The following CADM2 variants were observed in gnomAD, a reference collection of about 807,000 sequenced individuals.
CADM2 encodes immunoglobulin superfamily member 4D.
In CADM2, 12 loss-of-function variants were observed where a neutral mutation model predicts 49.8. The observed-to-expected ratio is 0.24, with a 90% CI of 0.15 to 0.39. CADM2 has a LOEUF of 0.39. CADM2 is among the 10% of genes least tolerant of loss of function. The probability of loss-of-function intolerance (pLI) is 1.00; values close to 1 mark genes in which losing one functional copy is unlikely to be tolerated. For synonymous variants in CADM2, 214 were observed against 175.4 expected (o/e 1.22, Z -1.74); for missense variants, 378 against 492.3 (o/e 0.77, Z 2.20).
intron 1 of CADM2, among the ~76,000 whole-genome samples, chr3:85,610,602 A>G (rs147830470): frequency 3.6e-4 from 55 of 152,110 alleles, no homozygotes; most frequent in African/African-American, 1.3e-3. Flanking sequence ...ATAATATTAC[A>G]GAATCATCAC....
intron 1 of CADM2, among the ~76,000 whole-genome samples, chr3:85,205,624 G>A (rs887133660): frequency 6.6e-6 from 1 of 151,892 alleles, no homozygotes; most frequent in African/African-American, 2.4e-5. Flanking sequence ...AGTAGCTTAT[G>A]CATGTAATAG....
chr3:85,487,747 CGTGTGTGTGCGT>C (rs921766746), intron 1 of CADM2, among the ~76,000 whole-genome samples: 15 of 148,596 alleles, frequency 1.0e-4, no homozygotes, highest in African/African-American at 3.0e-4. Flanking sequence ...TGCGTGTGTG[CGTGTGTGTGCGT>C]GTGTGTGTGC....
At chr3:85,290,961 A>G (rs1171004727) in intron 1 of CADM2, among the ~76,000 whole-genome samples, 1 of 152,246 alleles carries the variant, frequency 6.6e-6, no homozygotes, top group Non-Finnish European at 1.5e-5. Context: ...GAGCTGAGAG[A>G]AGAAGGCTTC....
At chr3:85,488,792 G>T (rs777273694) in intron 1 of CADM2, among the ~76,000 whole-genome samples, 1 of 152,066 alleles carries the variant, frequency 6.6e-6, no homozygotes, top group Non-Finnish European at 1.5e-5. Context: ...GCCTCCCAAA[G>T]TGCTGGGATT....
intron 1 of CADM2, among the ~76,000 whole-genome samples, chr3:85,426,879 T>TTA (rs963910287): frequency 6.6e-6 from 1 of 152,056 alleles, no homozygotes; most frequent in African/African-American, 2.4e-5. Flanking sequence ...TAATTTGATA[T>TTA]TATATATATG....
intron 1 of CADM2, among the ~76,000 whole-genome samples, chr3:85,571,601 G>T (rs2062479356): frequency 6.6e-6 from 1 of 152,148 alleles, no homozygotes; most frequent in Non-Finnish European, 1.5e-5. Flanking sequence ...TTGTATATTT[G>T]TATATGTCCC....
intron 1 of CADM2, among the ~76,000 whole-genome samples, chr3:85,183,495 G>A (rs574068962): frequency 1.8e-4 from 27 of 152,052 alleles, no homozygotes; most frequent in Non-Finnish European, 3.7e-4. Context: ...GCTGAGAGGA[G>A]CCAGTTGCAC....
At chr3:85,175,038 A>G (rs1312872059) in intron 1 of CADM2, among the ~76,000 whole-genome samples, 1 of 152,196 alleles carries the variant, frequency 6.6e-6, no homozygotes, top group Non-Finnish European at 1.5e-5. Context: ...CAATATCACT[A>G]GTCATTAGCA....
At chr3:85,185,946 G>A (rs970978099) in intron 1 of CADM2, among the ~76,000 whole-genome samples, 7 of 152,214 alleles carry the variant, frequency 4.6e-5, no homozygotes, top group African/African-American at 1.7e-4. Context: ...AGAGCTTTTC[G>A]AAGGAGATAT....
At chr3:85,369,018 C>G (rs1054400934) in intron 1 of CADM2, among the ~76,000 whole-genome samples, 2 of 152,108 alleles carry the variant, frequency 1.3e-5, no homozygotes, top group African/African-American at 4.8e-5. Flanking sequence ...ATAGAAATAG[C>G]ATTTCCAGAA....
At chr3:85,119,200 C>A (rs2038756091) in intron 1 of CADM2, among the ~76,000 whole-genome samples, 1 of 152,106 alleles carries the variant, frequency 6.6e-6, no homozygotes, top group South Asian at 2.1e-4. Flanking sequence ...TCACTTGAGC[C>A]CAGAAGTTCA....
intron 6 of CADM2, among the ~76,000 whole-genome samples, chr3:85,918,522 TA>T (rs1718684766): frequency 6.6e-6 from 1 of 152,216 alleles, no homozygotes. Context: ...TCATGGTGGA[TA>T]AGCTTTTTGA....
Position 85,442,587 on chromosome 3 carries a change from A to AGT in CADM2, c.62-283934_62-283933dup, listed in dbSNP as rs1449598930. ...CTATTTAAAATAATGCTTATATATG[A>AGT]GTATATATATATATATATATATATA... On this transcript the variant is annotated intron_variant, in intron 1 of 9. Coordinates refer to ENST00000383699, the MANE Select transcript of CADM2 (RefSeq NM_001167675.2). Among the ~76,000 whole-genome samples, 6 of 88,270 alleles carry AGT rather than the reference A, an allele frequency of 6.8e-5. No homozygotes were observed. In the East Asian group the frequency reaches 8.8e-4, roughly 13 times the overall value. The allele number at this position is 88,270 out of a possible 152,430, so 57.9% of individuals were successfully genotyped here.
chr3:85,349,408 T>C (rs1201714567), intron 1 of CADM2, among the ~76,000 whole-genome samples: 1 of 152,174 alleles, frequency 6.6e-6, no homozygotes, highest in Admixed American at 6.5e-5. Flanking sequence ...CAGGGTATTA[T>C]TGTTCATTGA....
intron 8 of CADM2, among the ~76,000 whole-genome samples, chr3:86,000,271 G>C (rs1730010179): frequency 6.6e-6 from 1 of 152,096 alleles, no homozygotes; most frequent in East Asian, 1.9e-4. Context: ...TTAGCATGGA[G>C]GGTACCTTTA....
chr3:85,936,654 T>C lies in CADM2; in HGVS notation c.791+797T>C, dbSNP rs1323828579. ...AATTAAATTGTTCTTTGTATATAAC[T>C]ATATGAGATTGCTTCTGGCAAATCA... On this transcript the variant is annotated intron_variant, in intron 7 of 9. Transcript: ENST00000383699. 2.6e-5 allele frequency among the ~76,000 whole-genome samples: 4 copies of C among 151,956 alleles called. No homozygotes were observed. The East Asian group carries it at 7.7e-4, about 29-fold the overall frequency.
chr3:85,680,347 A>G (rs2066005000), intron 1 of CADM2, among the ~76,000 whole-genome samples: 1 of 152,174 alleles, frequency 6.6e-6, no homozygotes. Context: ...GAGAAAAGAT[A>G]AAGGGCTGAT....
chr3:85,591,688 G>T (rs114693356), intron 1 of CADM2, among the ~76,000 whole-genome samples: 1,926 of 152,108 alleles, frequency 0.013, 15 homozygotes, highest in Non-Finnish European at 0.018. Context: ...CACCAAGAGA[G>T]AATAATTTTT....
At chr3:85,414,706 C>G (rs1412968603) in intron 1 of CADM2, among the ~76,000 whole-genome samples, 3 of 152,132 alleles carry the variant, frequency 2.0e-5, no homozygotes, top group Non-Finnish European at 2.9e-5. Flanking sequence ...ACTTTACCAG[C>G]TCCCCCAAGG....
Sources: gnomAD v4.1 joint callset for allele counts (sites outside exome capture counted in the v4.1 genomes callset) on GRCh38, gnomAD v4.1.1 for gene constraint, MANE v1.5 for transcripts, NCBI Gene and HGNC (gene_info 2026-07-23, HGNC 2026-07-21) for gene names.